Variants in CACNA1H observed in about 807,000 individuals in gnomAD.
The protein encoded by CACNA1H is calcium voltage-gated channel subunit alpha1 H, also known as voltage-dependent T-type calcium channel subunit alpha-1H.
A neutral mutation model predicts 192.5 loss-of-function variants in CACNA1H; 149 were observed. The observed-to-expected ratio is 0.77, with a 90% CI of 0.68 to 0.89. The LOEUF (loss-of-function observed/expected upper bound fraction) is 0.89. CACNA1H is among the 40% of genes least tolerant of loss of function. CACNA1H has a pLI of 0.00. For missense variants in CACNA1H, 4,257 were observed against 3,423.5 expected (o/e 1.24, Z -6.08); for synonymous variants, 2,202 against 1,475.2 (o/e 1.49, Z -11.29).
chr16:1,217,697 G>T (rs574527451), intron 31 of CACNA1H, among the ~76,000 whole-genome samples: 1 of 152,216 alleles, frequency 6.6e-6, no homozygotes, highest in South Asian at 2.1e-4. Flanking sequence ...GGCCTGATGA[G>T]CCCCAGCCCA....
chr16:1,205,582 G>A (rs1455657450), intron 11 of CACNA1H, among the ~76,000 whole-genome samples: 2 of 152,220 alleles, frequency 1.3e-5, no homozygotes, highest in Non-Finnish European at 2.9e-5. Flanking sequence ...TGGCCTCAGG[G>A]CCGAGCGAGA....
intron 30 of CACNA1H, among the ~76,000 whole-genome samples, chr16:1,215,855 G>A (rs1217237967): frequency 3.9e-5 from 6 of 152,028 alleles, no homozygotes; most frequent in Admixed American, 1.3e-4. Context: ...GGCGGGGGCC[G>A]TGGAGAGCCA....
At position 1,201,671 on chromosome 16, in the gene CACNA1H, C is replaced by G; in HGVS notation, c.1221C>G (p.Ser407=). Residue 407 remains serine (S), a synonymous_variant, in exon 9 of 35, where the codon TCC becomes TCG. Transcript: ENST00000348261. The part of the protein sequence containing the change: ...IYFILLIIVG[S]FFMINLCLVV... ...GCCCGCCCCCGTCACAGGTGGGCTCCTTCTTCATGATCAACCTGTGCCTGG... is the reference window on the plus strand; with the variant it reads ...GCCCGCCCCCGTCACAGGTGGGCTCGTTCTTCATGATCAACCTGTGCCTGG... 1 of 1,597,644 alleles carries G rather than the reference C, an allele frequency of 6.3e-7. No homozygotes were observed. The highest frequency in any genetic ancestry group is 8.5e-7 in the Non-Finnish European group (1 of 1,170,318).
intron 2 of CACNA1H, among the ~76,000 whole-genome samples, chr16:1,178,806 G>T (rs1033275040): frequency 6.6e-5 from 10 of 152,254 alleles, no homozygotes; most frequent in African/African-American, 2.4e-4. Context: ...CGGGGTTGGG[G>T]TGAAGAGATG....
intron 9 of CACNA1H, among the ~76,000 whole-genome samples, chr16:1,203,193 T>G (rs1178340847): frequency 2.0e-5 from 3 of 152,050 alleles, no homozygotes; most frequent in Admixed American, 6.5e-5. Flanking sequence ...TCCTAGCCCT[T>G]GAATTGTGGG....
chr16:1,216,404 A>G (rs1970030932), intron 30 of CACNA1H, among the ~76,000 whole-genome samples: 1 of 152,218 alleles, frequency 6.6e-6, no homozygotes, highest in Non-Finnish European at 1.5e-5. Context: ...TGCGCCGCCC[A>G]GCGGGGCAGT....
chr16:1,170,881 G>A (rs970403652), intron 2 of CACNA1H, among the ~76,000 whole-genome samples: 5 of 152,252 alleles, frequency 3.3e-5, no homozygotes, highest in East Asian at 1.9e-4. Context: ...GGTTCAAGGC[G>A]CCAACCCCGC....
chr16:1,178,421 C>G (rs879856610), intron 2 of CACNA1H, among the ~76,000 whole-genome samples: 1 of 151,678 alleles, frequency 6.6e-6, no homozygotes, highest in South Asian at 2.1e-4. Flanking sequence ...AACCCACCCC[C>G]CCAAGTGCCT....
chr16:1,206,130 A>G lies in CACNA1H; in HGVS notation c.2630A>G (p.Asp877Gly), dbSNP rs547376627. 4.4e-6 allele frequency: 7 copies of G among 1,584,818 alleles called. No individual in the cohort carries two copies. The African/African-American group carries it at 5.4e-5, about 12-fold the overall frequency. ...ISVWEIVGQADGGLSVLRTFR... is the reference protein window; with the variant it reads ...ISVWEIVGQAGGGLSVLRTFR... ...GTCTGGGAGATCGTGGGGCAGGCGG[A>G]CGGTGGCTTGTCTGTGCTGCGCACC... The change falls in exon 12 of 35, where the codon GAC (aspartate) becomes GGC (glycine). Residue 877 changes from aspartate to glycine, a missense_variant. Transcript: ENST00000348261.
rs535742093 is a variant in CACNA1H at position 1,207,328 on chromosome 16, C to G, written c.2961C>G (p.Thr987=). ...NVVLYNGMAS[T]SSWAALYFVA... is the part of the protein sequence containing the mutation. ...TCCTGTACAACGGCATGGCCTCCAC[C>G]TCCTCCTGGGCCGCCCTCTACTTCG... Residue 987 remains threonine (T), a synonymous_variant, in exon 14 of 35, where the codon ACC becomes ACG. Coordinates refer to ENST00000348261, the MANE Select transcript of CACNA1H (RefSeq NM_021098.3). The G allele has an allele frequency of 6.2e-7, 1 of 1,611,454 alleles. No homozygotes were observed. Among genetic ancestry groups the G allele is most frequent in the Non-Finnish European group, 8.5e-7 (1 of 1,179,064 alleles).
At chr16:1,199,010 C>G (rs912435105) in intron 6 of CACNA1H, 8 of 521,638 alleles carry the variant, frequency 1.5e-5, no homozygotes, top group Admixed American at 3.3e-5. Flanking sequence ...ACGGTGCAGT[C>G]GCTGCACATA....
chr16:1,207,209 T>A (rs1168572133), intron 13 of CACNA1H, 66 bp from the exon 14 acceptor site: 28 of 1,555,378 alleles, frequency 1.8e-5, no homozygotes, highest in Non-Finnish European at 2.4e-5. Flanking sequence ...TAGCTGCCTC[T>A]GCCCCAAGGA....
chr16:1,214,883 GCGGGGGCACT>G (rs1969875522), intron 27 of CACNA1H, 79 bp from the exon 28 acceptor site: 1 of 991,234 alleles, frequency 1.0e-6, no homozygotes, highest in Non-Finnish European at 1.5e-6. Context: ...GGGCCGGCCA[GCGGGGGCACT>G]CGGGCGTGCA....
chr16:1,159,925 C>A (rs74004818), intron 2 of CACNA1H: 15,589 of 152,324 alleles, frequency 0.1, 2,425 homozygotes, highest in African/African-American at 0.34. Flanking sequence ...CTCACCTCCC[C>A]CAAGGGCTGA....
intron 30 of CACNA1H, among the ~76,000 whole-genome samples, chr16:1,216,619 G>A (rs1334212723): frequency 6.6e-6 from 1 of 152,264 alleles, no homozygotes; most frequent in Non-Finnish European, 1.5e-5. Context: ...GCTGGGCAGA[G>A]TGTGGAGTGG....
At chr16:1,175,954 G>A (rs559161083) in intron 2 of CACNA1H, among the ~76,000 whole-genome samples, 27 of 152,306 alleles carry the variant, frequency 1.8e-4, no homozygotes, top group African/African-American at 5.3e-4. Flanking sequence ...CAGTTCCTCC[G>A]TCTGGACCTG....
chr16:1,160,902 C>A (rs1404161841), intron 2 of CACNA1H, among the ~76,000 whole-genome samples: 1 of 152,074 alleles, frequency 6.6e-6, no homozygotes, highest in East Asian at 1.9e-4. Flanking sequence ...GCGCGGCCGG[C>A]GAGGACCGAG....
intron 34 of CACNA1H, among the ~76,000 whole-genome samples, 156 bp from the exon 35 acceptor site, chr16:1,219,825 G>C (rs1330809403): frequency 6.6e-6 from 1 of 152,216 alleles, no homozygotes; most frequent in Non-Finnish European, 1.5e-5. Context: ...GTCCACACCA[G>C]CGGCTTCCAG....
At chr16:1,217,130 C>T (rs990568315) in intron 31 of CACNA1H, 120 bp downstream of exon 31, 33 of 840,758 alleles carry the variant, frequency 3.9e-5, no homozygotes, top group African/African-American at 2.2e-4. Flanking sequence ...CAGGGCCACA[C>T]GCCTCCTGGG....
Sources: allele counts gnomAD v4.1 joint callset (sites outside exome capture counted in the v4.1 genomes callset), GRCh38; gene constraint gnomAD v4.1.1; transcripts MANE v1.5; gene names NCBI Gene and HGNC (gene_info 2026-07-23, HGNC 2026-07-21).